Variants in EYS observed in about 807,000 individuals in gnomAD.
EYS encodes the protein protein eyes shut homolog.
A neutral mutation model predicts 282.1 loss-of-function variants in EYS; 250 were observed. The ratio of observed to expected loss-of-function variants is 0.89; its 90% CI spans 0.80 to 0.98. EYS has a LOEUF of 0.98. Among genes scored for constraint, EYS ranks in the 50% least tolerant of loss-of-function variants. The probability of loss-of-function intolerance (pLI) is 0.00; values close to 1 mark genes in which losing one functional copy is unlikely to be tolerated. For synonymous variants in EYS, 1,355 were observed against 1,282.9 expected (o/e 1.06, Z -1.20); for missense variants, 4,016 against 3,709.0 (o/e 1.08, Z -2.15).
chr6:65,348,101 A>T (rs1770469173), intron 9 of EYS, among the ~76,000 whole-genome samples: 1 of 151,586 alleles, frequency 6.6e-6, no homozygotes, highest in Non-Finnish European at 1.5e-5. Flanking sequence ...CTATTTAGTA[A>T]ATATACCATA....
At chr6:65,402,688 T>A in intron 6 of EYS, 83 bp from the exon 7 acceptor site, 1 of 900,802 alleles carries the variant, frequency 1.1e-6, no homozygotes, top group Non-Finnish European at 1.7e-6. Flanking sequence ...GGAGAAGGGT[T>A]AAAATTATTT....
intron 22 of EYS, among the ~76,000 whole-genome samples, chr6:64,691,262 C>T (rs1206348661): frequency 1.3e-5 from 2 of 152,062 alleles, no homozygotes; most frequent in Non-Finnish European, 2.9e-5. Context: ...TGACTACTCT[C>T]CATCTTCTAT....
At chr6:64,577,892 C>T (rs978024387) in intron 26 of EYS, among the ~76,000 whole-genome samples, 1 of 152,018 alleles carries the variant, frequency 6.6e-6, no homozygotes, top group Non-Finnish European at 1.5e-5. Flanking sequence ...TTTATTTGTC[C>T]TTAGAGGGTG....
At chr6:64,831,433 G>A (rs1364611994) in intron 19 of EYS, among the ~76,000 whole-genome samples, 2 of 151,880 alleles carry the variant, frequency 1.3e-5, no homozygotes. Context: ...TCTGTTTTCA[G>A]AAGCTCTCCA....
At chr6:64,659,246 G>A (rs1768892968) in intron 22 of EYS, among the ~76,000 whole-genome samples, 1 of 152,050 alleles carries the variant, frequency 6.6e-6, no homozygotes, top group Admixed American at 6.6e-5. Flanking sequence ...GTGTGTAGAG[G>A]GAAATTTATA....
chr6:64,176,821 A>C (rs1419164190), intron 31 of EYS, among the ~76,000 whole-genome samples: 1 of 152,086 alleles, frequency 6.6e-6, no homozygotes, highest in Non-Finnish European at 1.5e-5. Flanking sequence ...TTATGTCTTC[A>C]TATATAAAGA....
chr6:64,483,672 G>C (rs1776499655), intron 26 of EYS, among the ~76,000 whole-genome samples: 1 of 151,486 alleles, frequency 6.6e-6, no homozygotes, highest in Non-Finnish European at 1.5e-5. Flanking sequence ...CCAATAACCA[G>C]GTAAGTCTGA....
chr6:65,279,004 C>T (rs1260219339), intron 12 of EYS, among the ~76,000 whole-genome samples: 1 of 151,930 alleles, frequency 6.6e-6, no homozygotes, highest in Non-Finnish European at 1.5e-5. Flanking sequence ...GGCTGGCCAC[C>T]ATGGCTAAAC....
intron 40 of EYS, 119 bp from the exon 41 acceptor site, chr6:63,762,752 T>C: frequency 1.0e-6 from 1 of 960,764 alleles, no homozygotes; most frequent in South Asian, 1.8e-5. Flanking sequence ...TCAAAATGAA[T>C]TGTGATTCAA....
chr6:64,230,931 A>G, intron 30 of EYS, 107 bp from the exon 31 acceptor site: 1 of 621,388 alleles, frequency 1.6e-6, no homozygotes, highest in Non-Finnish European at 2.8e-6. Context: ...TGAAACCAAT[A>G]CTGATCAAGG....
intron 26 of EYS, among the ~76,000 whole-genome samples, chr6:64,461,569 C>T (rs960025595): frequency 5.9e-5 from 9 of 152,244 alleles, no homozygotes; most frequent in African/African-American, 2.2e-4. Flanking sequence ...ATTTTGTGTT[C>T]TTTAGACACA....
At chr6:65,001,119 T>TCTACCCA (rs1198222735) in intron 13 of EYS, among the ~76,000 whole-genome samples, 1 of 119,326 alleles carries the variant, frequency 8.4e-6, no homozygotes, top group Non-Finnish European at 2.0e-5. Flanking sequence ...CTCTCAGCCT[T>TCTACCCA]GCTGTCCGCA....
rs146986599 is a variant in EYS at position 64,038,659 on chromosome 6, G to T, written c.6725+27679C>A. ...AATATTGTGTGCATAAAAATATCATGGGCAATTTCTTTTTTCCTCCATTTT... is the reference window on the plus strand; with the variant it reads ...AATATTGTGTGCATAAAAATATCATTGGCAATTTCTTTTTTCCTCCATTTT... On this transcript the variant is annotated intron_variant, in intron 33 of 42. Transcript: ENST00000503581. Among the ~76,000 whole-genome samples the T allele has an allele frequency of 6.2e-3, 934 of 150,432 alleles. 12 individuals carry two copies. Among genetic ancestry groups the T allele is most frequent in the African/African-American group, 0.022 (879 of 40,330 alleles).
intron 22 of EYS, among the ~76,000 whole-genome samples, chr6:64,636,365 GC>G (rs1418175611): frequency 2.6e-5 from 4 of 152,168 alleles, no homozygotes; most frequent in Non-Finnish European, 4.4e-5. Context: ...AACAAATGGT[GC>G]TGGGAAAACT....
At chr6:64,524,286 T>C (rs1777848593) in intron 26 of EYS, among the ~76,000 whole-genome samples, 1 of 151,800 alleles carries the variant, frequency 6.6e-6, no homozygotes, top group Non-Finnish European at 1.5e-5. Flanking sequence ...AACTCAGCTA[T>C]AAATTTAAAA....
intron 5 of EYS, among the ~76,000 whole-genome samples, chr6:65,438,198 A>C (rs10455582): frequency 0.19 from 28,123 of 151,888 alleles, 3,248 homozygotes; most frequent in Middle Eastern, 0.3. Flanking sequence ...ATCCTTTCTT[A>C]TGGCTGCATA....
chr6:65,327,562 A>G (rs1562098323), intron 11 of EYS, among the ~76,000 whole-genome samples: 1 of 151,636 alleles, frequency 6.6e-6, no homozygotes, highest in Non-Finnish European at 1.5e-5. Context: ...AATGAGACCA[A>G]TATTTTCTAT....
At chr6:65,505,376 T>C (rs1766620081) in intron 2 of EYS, among the ~76,000 whole-genome samples, 1 of 151,998 alleles carries the variant, frequency 6.6e-6, no homozygotes, top group African/African-American at 2.4e-5. Context: ...TTAGTTTATT[T>C]TCTTTATTGT....
intron 30 of EYS, among the ~76,000 whole-genome samples, chr6:64,271,112 T>C (rs1767928719): frequency 6.6e-6 from 1 of 152,202 alleles, no homozygotes; most frequent in African/African-American, 2.4e-5. Flanking sequence ...GAACAATTAC[T>C]TTATAAACAT....
Sources: allele counts gnomAD v4.1 joint callset (sites outside exome capture counted in the v4.1 genomes callset), GRCh38; gene constraint gnomAD v4.1.1; transcripts MANE v1.5; gene names NCBI Gene and HGNC (gene_info 2026-07-23, HGNC 2026-07-21).